The following LINGO2 variants were observed in gnomAD, a reference collection of about 807,000 sequenced individuals.
The protein encoded by LINGO2 is leucine-rich repeat and immunoglobulin-like domain-containing nogo receptor-interacting protein 2.
In LINGO2, 14 loss-of-function variants were observed where a neutral mutation model predicts 30.6. That is an observed-to-expected ratio of 0.46 (90% CI 0.30 to 0.72). The LOEUF (loss-of-function observed/expected upper bound fraction) is 0.72, where lower values mean the gene tolerates loss of function less well. Ranked by LOEUF, LINGO2 falls within the 30% of genes least tolerant of loss-of-function variation. LINGO2 has a pLI of 0.07. For missense variants in LINGO2, 729 were observed against 751.7 expected, an observed-to-expected ratio of 0.97 and a Z score of 0.35; for synonymous variants, 317 against 288.5, an observed-to-expected ratio of 1.10 and a Z score of -1.00.
downstream of LINGO2, among the ~76,000 whole-genome samples, chr9:27,946,761 A>T (rs1587500278): frequency 2.0e-5 from 3 of 152,270 alleles, no homozygotes; most frequent in East Asian, 5.8e-4. Context: ...GGAAAATAAA[A>T]TTCTAAAAGA....
At chr9:29,097,474 G>A in the LINGO2 span, among the ~76,000 whole-genome samples, 1 of 137,818 alleles carries the variant, frequency 7.3e-6, no homozygotes, top group Non-Finnish European at 1.6e-5. Flanking sequence ...ACTGTAATTA[G>A]AAAATGTTGA....
At chr9:28,516,523 C>T (rs961236683) in intron 1 of LINGO2, among the ~76,000 whole-genome samples, 1 of 152,192 alleles carries the variant, frequency 6.6e-6, no homozygotes, top group Non-Finnish European at 1.5e-5. Context: ...GATGACTCCA[C>T]TTCTTCCTAG....
rs148103250 is a variant in LINGO2 at position 28,347,518 on chromosome 9, A to C, written c.-246+25318T>G. Among the ~76,000 whole-genome samples the C allele has an allele frequency of 1.8e-4, 28 of 152,258 alleles. 1 individual carries two copies. In the East Asian group the frequency reaches 4.2e-3, roughly 23 times the overall value. On this transcript the variant is annotated intron_variant, in intron 3 of 5. Transcript: ENST00000379992. ...CATCAATCCATTTATCCATCCACCC[A>C]TCCATTCATCCAATATTTAGTGACA...
the LINGO2 span, among the ~76,000 whole-genome samples, chr9:29,044,000 T>C: frequency 2.6e-5 from 4 of 152,042 alleles, no homozygotes; most frequent in East Asian, 1.9e-4. Context: ...GAAAGAACAA[T>C]GATAAAGCGA....
At chr9:28,862,156 T>C in the LINGO2 span, among the ~76,000 whole-genome samples, 4 of 152,060 alleles carry the variant, frequency 2.6e-5, no homozygotes, top group Non-Finnish European at 5.9e-5. Context: ...TTCCCACCTG[T>C]CCTCACACAT....
At chr9:28,015,213 T>TTA (rs1822767409) in intron 4 of LINGO2, among the ~76,000 whole-genome samples, 1 of 152,146 alleles carries the variant, frequency 6.6e-6, no homozygotes, top group African/African-American at 2.4e-5. Context: ...GGATAACAAG[T>TTA]TCCTCTTATT....
At chr9:28,477,445 C>A (rs1053291724) in intron 1 of LINGO2, among the ~76,000 whole-genome samples, 2 of 152,256 alleles carry the variant, frequency 1.3e-5, no homozygotes, top group Admixed American at 6.5e-5. Flanking sequence ...TTCTCTTAAT[C>A]TTCAAGGTAT....
chr9:28,931,317 C>CAGTTCTTTT, the LINGO2 span, among the ~76,000 whole-genome samples: 1 of 152,132 alleles, frequency 6.6e-6, no homozygotes, highest in African/African-American at 2.4e-5. Flanking sequence ...GCTTAATTTG[C>CAGTTCTTTT]AGTTCTTTTT....
At chr9:28,903,921 CT>C in the LINGO2 span, among the ~76,000 whole-genome samples, 75 of 28,956 alleles carry the variant, frequency 2.6e-3, no homozygotes, top group African/African-American at 5.6e-3. Flanking sequence ...TGTAAAAAAA[CT>C]TAAGAGATTC....
intron 2 of LINGO2, among the ~76,000 whole-genome samples, chr9:28,457,142 TAG>T (rs1465591838): frequency 1.3e-5 from 2 of 152,096 alleles, no homozygotes; most frequent in African/African-American, 2.4e-5. Flanking sequence ...TATGCAAAGC[TAG>T]AGAGATTCAG....
the LINGO2 span, among the ~76,000 whole-genome samples, chr9:28,759,687 GAA>G: frequency 7.8e-6 from 1 of 127,632 alleles, no homozygotes. Flanking sequence ...GTCTCAAAAA[GAA>G]AAAAAAAAAA....
intron 4 of LINGO2, among the ~76,000 whole-genome samples, chr9:28,017,491 T>C (rs1315033840): frequency 2.6e-5 from 4 of 152,090 alleles, no homozygotes; most frequent in Non-Finnish European, 5.9e-5. Context: ...TTCAGCAAAA[T>C]TTCAGGATAC....
the LINGO2 span, among the ~76,000 whole-genome samples, chr9:28,765,474 T>C: frequency 9.3e-4 from 142 of 152,080 alleles, no homozygotes; most frequent in African/African-American, 2.8e-3. Flanking sequence ...TGAGAGGTGT[T>C]TGGATCAGGA....
the LINGO2 span, chr9:28,888,869 G>A: frequency 1.9e-6 from 1 of 533,910 alleles, no homozygotes; most frequent in Non-Finnish European, 3.8e-6. Context: ...GTAGAAATGA[G>A]TAGGAAGATT....
chr9:29,033,403 T>TATATATA, the LINGO2 span, among the ~76,000 whole-genome samples: 2 of 149,922 alleles, frequency 1.3e-5, no homozygotes, highest in South Asian at 2.1e-4. Context: ...TATATATCTC[T>TATATATA]TCTATATAAA....
the LINGO2 span, among the ~76,000 whole-genome samples, chr9:28,902,469 T>A: frequency 6.6e-6 from 1 of 152,252 alleles, no homozygotes; most frequent in East Asian, 1.9e-4. Flanking sequence ...CTTTAAGCAA[T>A]GAACAGATCA....
intron 4 of LINGO2, among the ~76,000 whole-genome samples, chr9:28,261,842 A>G (rs73429570): frequency 0.042 from 6,366 of 152,040 alleles, 426 homozygotes; most frequent in African/African-American, 0.14. Context: ...GTTATAAGAT[A>G]TTGTAAATGA....
At chr9:28,585,528 T>C (rs1333403129) in intron 1 of LINGO2, among the ~76,000 whole-genome samples, 1 of 152,066 alleles carries the variant, frequency 6.6e-6, no homozygotes, top group Middle Eastern at 3.4e-3. Flanking sequence ...TTAAGTAAAT[T>C]ATATAAGATA....
the LINGO2 span, among the ~76,000 whole-genome samples, chr9:28,717,712 C>G: frequency 6.6e-6 from 1 of 151,932 alleles, no homozygotes; most frequent in Non-Finnish European, 1.5e-5. Flanking sequence ...TTCATCCCTC[C>G]TGTCTCTTCT....
Sources: gnomAD v4.1 joint callset for allele counts (sites outside exome capture counted in the v4.1 genomes callset) on GRCh38, gnomAD v4.1.1 for gene constraint, MANE v1.5 for transcripts, NCBI Gene and HGNC (gene_info 2026-07-23, HGNC 2026-07-21) for gene names.